Variants in OBI1 observed in about 807,000 individuals in gnomAD.
The protein encoded by OBI1 is ORC ubiquitin ligase 1.
OBI1 carries 59 observed loss-of-function variants against 62.4 expected under a neutral mutation model. That is an observed-to-expected ratio of 0.95 (90% confidence interval 0.77 to 1.17). The LOEUF (loss-of-function observed/expected upper bound fraction) is 1.17. OBI1 is among the 50% of genes most tolerant of loss of function. The probability of loss-of-function intolerance (pLI) is 0.00; values close to 1 mark genes in which losing one functional copy is unlikely to be tolerated. For synonymous variants in OBI1, 302 were observed against 292.8 expected (o/e 1.03, Z -0.32); for missense variants, 875 against 830.9 (o/e 1.05, Z -0.65).
At chr13:78,641,052 T>G (rs962175533) in intron 3 of OBI1, among the ~76,000 whole-genome samples, 1 of 152,156 alleles carries the variant, frequency 6.6e-6, no homozygotes, top group Non-Finnish European at 1.5e-5. Flanking sequence ...GGTTAGAACT[T>G]CTTACTATGA....
At chr13:78,645,422 T>C (rs1015606728) in intron 1 of OBI1, among the ~76,000 whole-genome samples, 22 of 152,334 alleles carry the variant, frequency 1.4e-4, no homozygotes, top group African/African-American at 5.3e-4. Flanking sequence ...TTCATTCCAC[T>C]GTTACAGAAT....
chr13:78,628,052 C>T (rs917795841), intron 5 of OBI1, among the ~76,000 whole-genome samples: 1 of 152,076 alleles, frequency 6.6e-6, no homozygotes, highest in Non-Finnish European at 1.5e-5. Context: ...ACAGGCCACG[C>T]AATTAAATGA....
At chr13:78,658,588 A>G (rs1447096276) in intron 1 of OBI1, among the ~76,000 whole-genome samples, 1 of 152,210 alleles carries the variant, frequency 6.6e-6, no homozygotes, top group Non-Finnish European at 1.5e-5. Flanking sequence ...AAGACTCAAT[A>G]CACAGCACCG....
At chr13:78,645,149 G>T in intron 1 of OBI1, 152 bp from the exon 2 acceptor site, 1 of 687,608 alleles carries the variant, frequency 1.5e-6, no homozygotes, top group Non-Finnish European at 2.4e-6. Flanking sequence ...GCTTCTGTTG[G>T]TCACTTTTCT....
chr13:78,647,006 T>C (rs752267200), intron 1 of OBI1, among the ~76,000 whole-genome samples: 7 of 152,246 alleles, frequency 4.6e-5, no homozygotes, highest in Non-Finnish European at 8.8e-5. Flanking sequence ...GGATGTGCCT[T>C]GTTAATAAAA....
At chr13:78,630,201 A>G (rs911092966) in intron 5 of OBI1, among the ~76,000 whole-genome samples, 1 of 152,084 alleles carries the variant, frequency 6.6e-6, no homozygotes, top group Non-Finnish European at 1.5e-5. Flanking sequence ...CATTTGTTTC[A>G]TATATTTTCA....
chr13:78,621,095 G>T (rs1875497062), intron 5 of OBI1, among the ~76,000 whole-genome samples: 1 of 152,216 alleles, frequency 6.6e-6, no homozygotes. Context: ...CTTGGTAGCT[G>T]AGGTAATGAA....
chr13:78,654,209 C>T (rs977935218), intron 1 of OBI1, among the ~76,000 whole-genome samples: 29 of 152,278 alleles, frequency 1.9e-4, no homozygotes, highest in African/African-American at 6.7e-4. Context: ...TCAGCTATTA[C>T]ATACCAACCC....
intron 5 of OBI1, among the ~76,000 whole-genome samples, chr13:78,630,629 G>A (rs1875817752): frequency 6.6e-6 from 1 of 152,030 alleles, no homozygotes; most frequent in Non-Finnish European, 1.5e-5. Flanking sequence ...TGAGATTAAT[G>A]CCCTTAAAAA....
At chr13:78,645,344 G>C (rs1272560121) in intron 1 of OBI1, among the ~76,000 whole-genome samples, 3 of 152,200 alleles carry the variant, frequency 2.0e-5, no homozygotes, top group African/African-American at 4.8e-5. Flanking sequence ...TTATAGAACA[G>C]CAGGATTAGG....
At chr13:78,632,217 C>T (rs1019647566) in intron 5 of OBI1, among the ~76,000 whole-genome samples, 8 of 152,036 alleles carry the variant, frequency 5.3e-5, no homozygotes, top group African/African-American at 1.4e-4. Context: ...CTCTCTCTCC[C>T]CCAACCATAT....
chr13:78,638,122 G>A (rs573888648), intron 4 of OBI1, among the ~76,000 whole-genome samples: 76 of 152,132 alleles, frequency 5.0e-4, no homozygotes, highest in Non-Finnish European at 1.0e-3. Flanking sequence ...CAAGCTAAAG[G>A]CTGATCACTT....
intron 1 of OBI1, among the ~76,000 whole-genome samples, chr13:78,648,279 A>ACACACAC (rs1876444763): frequency 6.8e-6 from 1 of 146,688 alleles, no homozygotes; most frequent in Non-Finnish European, 1.5e-5. Context: ...ACTTCCCCCA[A>ACACACAC]ACACACACAC....
At chr13:78,634,101 A>C (rs377708078) in intron 5 of OBI1, among the ~76,000 whole-genome samples, 42 of 149,160 alleles carry the variant, frequency 2.8e-4, no homozygotes, top group Middle Eastern at 3.4e-3. Context: ...AAACAAAAAA[A>C]AAAAACAAAA....
In OBI1 at chr13:78,642,135, T is replaced by C. The variant is rs772991761; in HGVS notation, c.287A>G (p.His96Arg). ...ATTACTGTTTACCTCATATTCTTTG[T>C]GTAGTAATTCAAGTCTAGTTTTCCG... ...HLRKTRLELL[H>R]KEYEDEIDCL... is the part of the protein sequence containing the mutation. The change falls in exon 3 of 6, where the codon CAC becomes CGC. Residue 96 changes from histidine to arginine, a missense_variant. By Grantham distance (29) the His-to-Arg change is conservative. Transcript: ENST00000282003. The C allele has an allele frequency of 1.3e-6, 2 of 1,590,478 alleles. No homozygotes were observed. The highest frequency in any genetic ancestry group is 2.2e-5 in the East Asian group (1 of 44,700).
chr13:78,639,213 G>T (rs949811941), intron 3 of OBI1, 142 bp from the exon 4 acceptor site: 8 of 814,938 alleles, frequency 9.8e-6, no homozygotes, highest in Non-Finnish European at 1.4e-5. Context: ...AAAGAGTTTT[G>T]CAGGGAGAAA....
chr13:78,615,054 G>A lies in OBI1; in HGVS notation c.*526C>T, dbSNP rs1333307299. ...CATCATGGCCCTGCAGAAAAACTAG[G>A]CCATCACTAAACATAAATAAAAAGG... On this transcript the variant is annotated 3_prime_UTR_variant, in exon 6 of 6. Coordinates refer to ENST00000282003, the MANE Select transcript of OBI1 (RefSeq NM_024546.4). 6.6e-6 allele frequency: 1 copy of A among 151,926 alleles called. No homozygotes were observed. The highest frequency in any genetic ancestry group is 1.5e-5 in the Non-Finnish European group (1 of 68,024). 9.4% of individuals were successfully genotyped at this position (151,926 alleles called of 1,614,324 possible). A position where few individuals can be genotyped will look rare whatever the true frequency, so the allele number is the denominator to read the frequency against.
At chr13:78,640,979 G>A (rs531602070) in intron 3 of OBI1, among the ~76,000 whole-genome samples, 32 of 151,804 alleles carry the variant, frequency 2.1e-4, no homozygotes, top group Middle Eastern at 3.4e-3. Context: ...TGTGACTATT[G>A]CAAGTATTAG....
Position 78,648,680 on chromosome 13 carries a change from G to A in OBI1, c.73-3683C>T, listed in dbSNP as rs960387581. ...TGTAATTCCAGCACTTTGGGAGGCC[G>A]AGGCGGGCTGATCACCTGAGGTCAG... is the stretch of plus-strand genomic sequence containing the variant. On this transcript the variant is annotated intron_variant, in intron 1 of 5. Coordinates refer to ENST00000282003, the MANE Select transcript of OBI1 (RefSeq NM_024546.4). Among the ~76,000 whole-genome samples, 17 of 152,226 alleles carry A rather than the reference G, an allele frequency of 1.1e-4. No homozygotes were observed. In the East Asian group the frequency reaches 2.9e-3, roughly 26 times the overall value.
Sources: gnomAD v4.1 joint callset for allele counts (sites outside exome capture counted in the v4.1 genomes callset) on GRCh38, gnomAD v4.1.1 for gene constraint, MANE v1.5 for transcripts, NCBI Gene and HGNC (gene_info 2026-07-23, HGNC 2026-07-21) for gene names.